LRFN2: variants seen among roughly 807,000 people sequenced by gnomAD.
LRFN2 encodes the protein leucine-rich repeat and fibronectin type-III domain-containing protein 2.
Under a neutral mutation model 37.3 loss-of-function variants are expected in LRFN2, and 18 were observed. The ratio of observed to expected loss-of-function variants is 0.48; its 90% confidence interval spans 0.33 to 0.72. The LOEUF (loss-of-function observed/expected upper bound fraction) is 0.72, where lower values mean the gene tolerates loss of function less well. Among genes scored for constraint, LRFN2 ranks in the 30% least tolerant of loss-of-function variants. The pLI, the probability that LRFN2 is intolerant of heterozygous loss-of-function variation, is 0.02. For missense variants in LRFN2, 1,006 were observed against 1,060.7 expected (o/e 0.95, Z 0.72); for synonymous variants, 556 against 466.6 (o/e 1.19, Z -2.47).
intron 1 of LRFN2, among the ~76,000 whole-genome samples, chr6:40,491,397 G>C (rs968543236): frequency 2.0e-5 from 3 of 152,194 alleles, no homozygotes; most frequent in Admixed American, 6.5e-5. Flanking sequence ...TTCCTCCCTA[G>C]AAGTGCCAAA....
At chr6:40,507,224 T>C (rs1424841685) in intron 1 of LRFN2, among the ~76,000 whole-genome samples, 1 of 152,178 alleles carries the variant, frequency 6.6e-6, no homozygotes, top group Admixed American at 6.5e-5. Context: ...AATAAACGTC[T>C]ACTGACACGT....
chr6:40,547,509 C>T (rs142313331), intron 1 of LRFN2, among the ~76,000 whole-genome samples: 1 of 152,258 alleles, frequency 6.6e-6, no homozygotes, highest in East Asian at 1.9e-4. Context: ...CCTAGTTCCC[C>T]TATACTGGGC....
intron 1 of LRFN2, among the ~76,000 whole-genome samples, chr6:40,507,262 T>C (rs1000348730): frequency 6.6e-6 from 1 of 152,162 alleles, no homozygotes; most frequent in Non-Finnish European, 1.5e-5. Context: ...CAGACTAATA[T>C]TGCCTTGGTT....
intron 1 of LRFN2, among the ~76,000 whole-genome samples, chr6:40,565,762 G>A (rs1326193915): frequency 1.3e-5 from 2 of 151,642 alleles, no homozygotes; most frequent in Non-Finnish European, 2.9e-5. Flanking sequence ...TTACATGTTA[G>A]ACCTAAAACC....
intron 1 of LRFN2, among the ~76,000 whole-genome samples, chr6:40,489,914 C>T (rs895129611): frequency 6.6e-6 from 1 of 152,164 alleles, no homozygotes; most frequent in African/African-American, 2.4e-5. Context: ...TCCCCACTTG[C>T]ACCACCTCAG....
At chr6:40,532,333 A>C (rs74855992) in intron 1 of LRFN2, among the ~76,000 whole-genome samples, 2,037 of 152,338 alleles carry the variant, frequency 0.013, 47 homozygotes, top group African/African-American at 0.046. Context: ...ACACTCACCC[A>C]TATAGTAATC....
intron 2 of LRFN2, among the ~76,000 whole-genome samples, chr6:40,419,076 C>A (rs1763160696): frequency 6.6e-6 from 1 of 152,218 alleles, no homozygotes; most frequent in African/African-American, 2.4e-5. Context: ...TGTTCACAAG[C>A]CTGCCAGGTG....
chr6:40,441,588 C>T (rs942862075), intron 1 of LRFN2, among the ~76,000 whole-genome samples: 2 of 152,080 alleles, frequency 1.3e-5, no homozygotes, highest in East Asian at 1.9e-4. Flanking sequence ...TTGTCAGCTT[C>T]GAATGCATTA....
At chr6:40,398,607 A>T (rs1365963976) in intron 2 of LRFN2, among the ~76,000 whole-genome samples, 1 of 151,730 alleles carries the variant, frequency 6.6e-6, no homozygotes, top group Admixed American at 6.6e-5. Flanking sequence ...ATCCTGAGAG[A>T]TTTCTTTCCA....
At chr6:40,511,784 G>C (rs1765715297) in intron 1 of LRFN2, among the ~76,000 whole-genome samples, 1 of 152,218 alleles carries the variant, frequency 6.6e-6, no homozygotes, top group Non-Finnish European at 1.5e-5. Context: ...TGAGGGAGAA[G>C]AAGGGGCACA....
chr6:40,524,217 A>G (rs1182383908), intron 1 of LRFN2, among the ~76,000 whole-genome samples: 2 of 152,302 alleles, frequency 1.3e-5, no homozygotes, highest in East Asian at 3.8e-4. Flanking sequence ...CCAAAACAAA[A>G]CACATGCAGA....
At chr6:40,531,529 T>C (rs1766342260) in intron 1 of LRFN2, among the ~76,000 whole-genome samples, 1 of 152,184 alleles carries the variant, frequency 6.6e-6, no homozygotes. Flanking sequence ...TCTGAGAGTG[T>C]CTGTCTCCCA....
chr6:40,441,589 G>T (rs61246595), intron 1 of LRFN2, among the ~76,000 whole-genome samples: 1 of 152,046 alleles, frequency 6.6e-6, no homozygotes, highest in Non-Finnish European at 1.5e-5. Context: ...TGTCAGCTTC[G>T]AATGCATTAA....
At chr6:40,425,215 T>G (rs1451479716) in intron 2 of LRFN2, among the ~76,000 whole-genome samples, 1 of 152,138 alleles carries the variant, frequency 6.6e-6, no homozygotes, top group East Asian at 1.9e-4. Context: ...GTGGCTGTCA[T>G]CTCTCCATCT....
At chr6:40,417,747 G>T (rs1763128343) in intron 2 of LRFN2, among the ~76,000 whole-genome samples, 1 of 152,116 alleles carries the variant, frequency 6.6e-6, no homozygotes, top group African/African-American at 2.4e-5. Context: ...ATGACAACAT[G>T]CTGCTTTGTT....
At chr6:40,489,961 C>A (rs1004730206) in intron 1 of LRFN2, among the ~76,000 whole-genome samples, 10 of 152,184 alleles carry the variant, frequency 6.6e-5, no homozygotes, top group Non-Finnish European at 1.2e-4. Flanking sequence ...TTCCCCTTGA[C>A]CTCTCTGGCC....
intron 2 of LRFN2, among the ~76,000 whole-genome samples, chr6:40,396,656 A>T (rs973288445): frequency 5.3e-5 from 8 of 151,612 alleles, no homozygotes; most frequent in African/African-American, 1.9e-4. Context: ...AAGAGCAGAA[A>T]GGCGGAAGGC....
chr6:40,523,582 C>T (rs1766154620), intron 1 of LRFN2, among the ~76,000 whole-genome samples: 1 of 142,404 alleles, frequency 7.0e-6, no homozygotes, highest in Non-Finnish European at 1.5e-5. Context: ...ACCACAGAGG[C>T]TACGAATAAT....
intron 1 of LRFN2, among the ~76,000 whole-genome samples, chr6:40,447,140 C>T (rs886143046): frequency 3.9e-5 from 6 of 152,266 alleles, no homozygotes; most frequent in African/African-American, 1.2e-4. Flanking sequence ...TGTCTCCGCT[C>T]AGACTGGGGC....
Sources: gnomAD v4.1 joint callset for allele counts (sites outside exome capture counted in the v4.1 genomes callset) on GRCh38, gnomAD v4.1.1 for gene constraint, MANE v1.5 for transcripts, NCBI Gene and HGNC (gene_info 2026-07-23, HGNC 2026-07-21) for gene names.